The following AP5Z1 variants were observed in gnomAD, a reference collection of about 807,000 sequenced individuals.
AP5Z1 encodes adaptor related protein complex 5 subunit zeta 1, also known as AP-5 complex subunit zeta-1.
AP5Z1 carries 106 observed loss-of-function variants against 83.0 expected under a neutral mutation model. The ratio of observed to expected loss-of-function variants is 1.28; its 90% CI spans 1.09 to 1.50. The LOEUF is 1.50. AP5Z1 is among the 40% of genes most tolerant of loss of function. The probability of loss-of-function intolerance (pLI) is 0.00; values close to 1 mark genes in which losing one functional copy is unlikely to be tolerated. For missense variants in AP5Z1, 1,565 were observed against 1,094.2 expected, an observed-to-expected ratio of 1.43 and a Z score of -6.07; for synonymous variants, 751 against 514.1, an observed-to-expected ratio of 1.46 and a Z score of -6.23.
At chr7:4,785,077 C>G (rs1562407832) in intron 7 of AP5Z1, 29 bp downstream of exon 7, 6 of 1,566,890 alleles carry the variant, frequency 3.8e-6, no homozygotes, top group Non-Finnish European at 4.3e-6. Flanking sequence ...GCACTGGCCT[C>G]CCCAGGGCTC....
In AP5Z1 at chr7:4,781,619, A is replaced by G. The variant is rs1266900871; in HGVS notation, c.231A>G (p.Ala77=). Residue 77 remains alanine (A), a synonymous_variant, in exon 3 of 17, where the codon GCA becomes GCG. Transcript: ENST00000649063. ...DLLQATLGLP[A]CPEQLQVLCA... is the part of the protein sequence containing the mutation. The stretch of plus-strand genomic sequence containing the variant: ...TGCAGGCCACCCTCGGCCTGCCTGC[A>G]TGCCCCGAGCAGCTCCAGGTGCTTT... The G allele has an allele frequency of 1.9e-6, 3 of 1,610,146 alleles. No homozygotes were observed. Among genetic ancestry groups the G allele is most frequent in the South Asian group, 1.1e-5 (1 of 91,046 alleles).
rs757817710 is a variant in AP5Z1 at position 4,781,191 on chromosome 7, G to T, written c.58G>T (p.Glu20Ter). 5 of 1,613,732 alleles carry T rather than the reference G, an allele frequency of 3.1e-6. No individual in the cohort carries two copies. The South Asian group carries it at 4.4e-5, about 14-fold the overall frequency. The change falls in exon 2 of 17, where the codon GAG becomes TAG. Residue 20 changes from glutamate (E) to a stop codon, truncating the protein, a stop_gained. Transcript: ENST00000649063. LOFTEE classifies it high-confidence loss of function. ...TTTGTTTAGGGAGATCCAGGACGAG[G>T]AGCTGAAGAAGTTCTGTTCCCGGAT... ...LHQAREIQDE[E>*]LKKFCSRICK...
At chr7:4,778,751 T>TTTATATA in intron 1 of AP5Z1, among the ~76,000 whole-genome samples, 1 of 146,716 alleles carries the variant, frequency 6.8e-6, no homozygotes, top group South Asian at 2.1e-4. Context: ...TATATAACAT[T>TTTATATA]TTATATATTA....
At chr7:4,789,068 C>T (rs1781657129) in intron 13 of AP5Z1, 117 bp downstream of exon 13, 5 of 868,410 alleles carry the variant, frequency 5.8e-6, no homozygotes, top group Non-Finnish European at 7.1e-6. Flanking sequence ...GCCACACCCA[C>T]CATCCACGGT....
chr7:4,784,481 G>A (rs1781477614), intron 6 of AP5Z1, 110 bp downstream of exon 6: 3 of 1,329,424 alleles, frequency 2.3e-6, no homozygotes, highest in Non-Finnish European at 3.1e-6. Context: ...TGCCCAGGAT[G>A]CAGCAGAGGT....
intron 13 of AP5Z1, among the ~76,000 whole-genome samples, chr7:4,789,263 G>A (rs187851950): frequency 6.6e-6 from 1 of 151,826 alleles, no homozygotes; most frequent in African/African-American, 2.4e-5. Flanking sequence ...CATCCCAGCA[G>A]GCTCCATCCA....
At position 4,781,720 on chromosome 7, in the gene AP5Z1, A is replaced by G; in HGVS notation, c.332A>G (p.Gln111Arg). Reference sequence around the variant, plus strand: ...TGGGACCACACGCAGAACAGCCGGCAGCTGAGCCTGGTGGCCTCCGTTCTC... The same window carrying G: ...TGGGACCACACGCAGAACAGCCGGCGGCTGAGCCTGGTGGCCTCCGTTCTC... ...LAWDHTQNSRQLSLVASVLLA... is the reference protein window; with the variant it reads ...LAWDHTQNSRRLSLVASVLLA... The change falls in exon 3 of 17, where the codon CAG becomes CGG. Residue 111 changes from glutamine to arginine, a missense_variant. By Grantham distance (43) the Gln-to-Arg change is conservative. Coordinates refer to ENST00000649063, the MANE Select transcript of AP5Z1 (RefSeq NM_014855.3). 6.3e-7 allele frequency: 1 copy of G among 1,581,832 alleles called. No individual in the cohort carries two copies.
intron 10 of AP5Z1, among the ~76,000 whole-genome samples, chr7:4,787,427 A>T (rs1041508698): frequency 6.6e-6 from 1 of 152,090 alleles, no homozygotes; most frequent in Non-Finnish European, 1.5e-5. Flanking sequence ...TTGAGGTTGC[A>T]GTGAGCTATG....
intron 14 of AP5Z1, chr7:4,790,160 G>A (rs1463227924): frequency 2.0e-6 from 3 of 1,517,128 alleles, no homozygotes; most frequent in Non-Finnish European, 2.6e-6. Context: ...CCTCTTCAGG[G>A]TTAGCTCAGG....
At chr7:4,785,138 T>TA in intron 7 of AP5Z1, 90 bp downstream of exon 7, 1 of 1,508,060 alleles carries the variant, frequency 6.6e-7, no homozygotes, top group African/African-American at 1.4e-5. Context: ...TTCCCTGAGC[T>TA]ACTGCTCCAC....
intron 5 of AP5Z1, 140 bp downstream of exon 5, chr7:4,783,938 G>A: frequency 9.9e-7 from 1 of 1,010,180 alleles, no homozygotes; most frequent in Non-Finnish European, 1.4e-6. Context: ...CGGGGCTTGG[G>A]TCAGGCAGGG....
rs1442074709 is a variant in AP5Z1, at chr7:4,775,754, C to G, written c.39C>G (p.Ala13=). 2 of 1,604,940 alleles carry G rather than the reference C, an allele frequency of 1.2e-6. No homozygotes were observed. The highest frequency in any genetic ancestry group is 4.5e-5 in the East Asian group (2 of 44,842). ...SAGAESLLHQ[A]REIQDEELKK... Reference sequence around the variant, plus strand: ...GAGCGGAGAGTTTGCTCCACCAGGCCAGGTACGGGGGAGCTGCGGCCCCGG... The same window carrying G: ...GAGCGGAGAGTTTGCTCCACCAGGCGAGGTACGGGGGAGCTGCGGCCCCGG... Residue 13 remains alanine, a splice_region_variant and synonymous_variant, in exon 1 of 17, where the codon GCC becomes GCG. Transcript: ENST00000649063.
At chr7:4,776,491 C>A (rs919590347) in intron 1 of AP5Z1, among the ~76,000 whole-genome samples, 7 of 146,098 alleles carry the variant, frequency 4.8e-5, no homozygotes, top group Non-Finnish European at 1.0e-4. Context: ...CCAAGGCAGG[C>A]GGATCACCTG....
At position 4,787,718 on chromosome 7, in the gene AP5Z1, A is replaced by G; in HGVS notation, c.1396A>G (p.Met466Val). The G allele has an allele frequency of 6.5e-7, 1 of 1,549,978 alleles. No homozygotes were observed. Among genetic ancestry groups the G allele is most frequent in the Non-Finnish European group, 8.7e-7 (1 of 1,148,818 alleles). ...ALVDAGTALE[M>V]LHALLDLPCL... ...GGTGGACGCTGGCACAGCCCTGGAG[A>G]TGCTGCACGCGCTGCTGGACCTGCC... The change falls in exon 11 of 17, where the codon ATG (methionine) becomes GTG (valine). Residue 466 changes from methionine (M) to valine (V), a missense_variant. Met to Val is a conservative substitution (Grantham distance 21, BLOSUM62 1). Transcript: ENST00000649063.
rs367981328 is a variant in AP5Z1 at position 4,785,561 on chromosome 7, C to T, written c.1009C>T (p.Arg337Trp). The T allele has an allele frequency of 3.8e-5, 62 of 1,610,732 alleles. 1 individual carries two copies. In the South Asian group the frequency reaches 4.1e-4, roughly 11 times the overall value. The change falls in exon 9 of 17, where the codon CGG becomes TGG. Residue 337 changes from arginine (R) to tryptophan (W), a missense_variant. Transcript: ENST00000649063. ...CGTGCTGGTGCTGGACGTGCTGTGCCGGCAGGACCCGTCCTTCCTGTACCG... is the reference window on the plus strand; with the variant it reads ...CGTGCTGGTGCTGGACGTGCTGTGCTGGCAGGACCCGTCCTTCCTGTACCG... ...EAVLVLDVLC[R>W]QDPSFLYRSL... is the part of the protein sequence containing the mutation.
intron 13 of AP5Z1, 40 bp from the exon 14 acceptor site, chr7:4,789,792 G>C: frequency 6.6e-7 from 1 of 1,507,474 alleles, no homozygotes; most frequent in Non-Finnish European, 9.0e-7. Context: ...GGCCTGCAGT[G>C]GGGGTGGGGC....
rs191419627 is a variant in AP5Z1 at position 4,781,224 on chromosome 7, C to T, written c.91C>T (p.Leu31=). 6.2e-7 allele frequency: 1 copy of T among 1,613,740 alleles called. No individual in the cohort carries two copies. The highest frequency in any genetic ancestry group is 1.7e-5 in the Admixed American group (1 of 60,032). The change falls in exon 2 of 17, where the codon CTG becomes TTG. Residue 31 remains leucine (L), a synonymous_variant. Coordinates refer to ENST00000649063, the MANE Select transcript of AP5Z1 (RefSeq NM_014855.3). ...LKKFCSRICK[L]LQAEDLGPDT... is the part of the protein sequence containing the mutation. ...GAAGTTCTGTTCCCGGATCTGTAAACTGCTGCAGGCGGAGGACTTGGGGCC... is the reference window on the plus strand; with the variant it reads ...GAAGTTCTGTTCCCGGATCTGTAAATTGCTGCAGGCGGAGGACTTGGGGCC...
Position 4,784,990 on chromosome 7 carries a change from G to A in AP5Z1, c.873G>A (p.Glu291=), listed in dbSNP as rs1235428931. 1 of 1,611,670 alleles carries A rather than the reference G, an allele frequency of 6.2e-7. No individual in the cohort carries two copies. Among genetic ancestry groups the A allele is most frequent in the Non-Finnish European group, 8.5e-7 (1 of 1,179,406 alleles). The change falls in exon 7 of 17, where the codon GAG becomes GAA. Residue 291 remains glutamate, a synonymous_variant. Transcript: ENST00000649063. The part of the protein sequence containing the change: ...SSAGRLLPPR[E]RLREVAFEYC... ...CCGGCCGCCTGCTGCCGCCCCGGGA[G>A]CGGCTTCGGGAGGTGGCCTTCGAGT...
chr7:4,780,563 G>T (rs1781352877), intron 1 of AP5Z1, among the ~76,000 whole-genome samples: 1 of 152,186 alleles, frequency 6.6e-6, no homozygotes, highest in African/African-American at 2.4e-5. Flanking sequence ...AGGAGATCAA[G>T]ACCATCCTGG....
Sources: gnomAD v4.1 joint callset for allele counts (sites outside exome capture counted in the v4.1 genomes callset) on GRCh38, gnomAD v4.1.1 for gene constraint, MANE v1.5 for transcripts, NCBI Gene and HGNC (gene_info 2026-07-23, HGNC 2026-07-21) for gene names.